IMMP2L: variants seen among roughly 807,000 people sequenced by gnomAD.
The protein encoded by IMMP2L is mitochondrial inner membrane protease subunit 2.
IMMP2L carries 18 observed loss-of-function variants against 19.3 expected under a neutral mutation model. The ratio of observed to expected loss-of-function variants is 0.93; its 90% confidence interval spans 0.64 to 1.38. The LOEUF (loss-of-function observed/expected upper bound fraction) is 1.38. Among genes scored for constraint, IMMP2L ranks in the 40% most tolerant of loss-of-function variants. The pLI is 0.00. For synonymous variants in IMMP2L, 76 were observed against 73.0 expected (o/e 1.04, Z -0.21); for missense variants, 233 against 218.2 (o/e 1.07, Z -0.43).
intron 5 of IMMP2L, among the ~76,000 whole-genome samples, chr7:110,798,173 G>GA (rs1010269166): frequency 3.2e-4 from 49 of 151,054 alleles, no homozygotes; most frequent in South Asian, 4.2e-4. Flanking sequence ...ACAATTACAG[G>GA]AAAAAAAAGA....
chr7:111,481,538 A>ACT (rs1289920900), intron 3 of IMMP2L, among the ~76,000 whole-genome samples: 2 of 152,120 alleles, frequency 1.3e-5, no homozygotes, highest in African/African-American at 4.8e-5. Flanking sequence ...TGAAGTTAGA[A>ACT]CTCCTAACCC....
intron 3 of IMMP2L, among the ~76,000 whole-genome samples, chr7:110,986,549 C>T (rs1242456113): frequency 6.6e-6 from 1 of 152,162 alleles, no homozygotes; most frequent in African/African-American, 2.4e-5. Flanking sequence ...CTTCCCAGGT[C>T]TCTTACGAAT....
chr7:110,980,114 A>C (rs542977224), intron 3 of IMMP2L, among the ~76,000 whole-genome samples: 3 of 138,618 alleles, frequency 2.2e-5, no homozygotes, highest in African/African-American at 7.6e-5. Flanking sequence ...TTATGGTTCT[A>C]TACCTCTAGC....
chr7:111,084,600 G>C (rs894103669), intron 3 of IMMP2L, among the ~76,000 whole-genome samples: 1 of 152,114 alleles, frequency 6.6e-6, no homozygotes, highest in African/African-American at 2.4e-5. Context: ...AGAACAGTAG[G>C]CAAAAGAACA....
At chr7:111,461,051 G>T (rs1178591990) in intron 3 of IMMP2L, among the ~76,000 whole-genome samples, 2 of 151,882 alleles carry the variant, frequency 1.3e-5, no homozygotes, top group East Asian at 3.9e-4. Context: ...TTCACTTTAG[G>T]TATGGTATTC....
At chr7:110,973,989 GC>G (rs1820431643) in intron 3 of IMMP2L, among the ~76,000 whole-genome samples, 1 of 152,120 alleles carries the variant, frequency 6.6e-6, no homozygotes, top group Non-Finnish European at 1.5e-5. Flanking sequence ...GGTCCTGATA[GC>G]TATGTGGTTC....
intron 3 of IMMP2L, among the ~76,000 whole-genome samples, chr7:111,281,216 A>AAAGAAAG (rs1819809403): frequency 1.0e-4 from 4 of 38,762 alleles, no homozygotes; most frequent in African/African-American, 2.9e-4. Flanking sequence ...GAAAGAAAGA[A>AAAGAAAG]AAAGAAAGAA....
intron 5 of IMMP2L, among the ~76,000 whole-genome samples, chr7:110,819,680 C>A (rs969474007): frequency 6.6e-6 from 1 of 151,986 alleles, no homozygotes; most frequent in African/African-American, 2.4e-5. Context: ...TTTTACTAAG[C>A]AAAATGTCCC....
chr7:110,898,702 G>A (rs1811566679), intron 4 of IMMP2L, among the ~76,000 whole-genome samples: 1 of 151,054 alleles, frequency 6.6e-6, no homozygotes, highest in Non-Finnish European at 1.5e-5. Flanking sequence ...AAGAGTTGGG[G>A]CACATACTGA....
chr7:110,932,628 A>G (rs1392718742), intron 4 of IMMP2L, among the ~76,000 whole-genome samples: 2 of 152,194 alleles, frequency 1.3e-5, no homozygotes, highest in African/African-American at 2.4e-5. Context: ...TGCTGGGATT[A>G]TAGGCGTGAG....
At chr7:111,544,764 C>A (rs1848770844) in intron 1 of IMMP2L, among the ~76,000 whole-genome samples, 1 of 148,364 alleles carries the variant, frequency 6.7e-6, no homozygotes, top group African/African-American at 2.5e-5. Flanking sequence ...TTACATTCAA[C>A]ATGTATAAAA....
chr7:111,427,257 T>C (rs189501085), intron 3 of IMMP2L, among the ~76,000 whole-genome samples: 2 of 151,830 alleles, frequency 1.3e-5, no homozygotes. Flanking sequence ...AGACTCAAGA[T>C]ACTTTGTAAT....
chr7:111,435,195 G>A (rs1044579874), intron 3 of IMMP2L, among the ~76,000 whole-genome samples: 1 of 151,730 alleles, frequency 6.6e-6, no homozygotes, highest in Non-Finnish European at 1.5e-5. Flanking sequence ...TCTATCCAAA[G>A]GGAAGAAATC....
chr7:111,063,450 C>T (rs1230902960), intron 3 of IMMP2L, among the ~76,000 whole-genome samples: 1 of 152,160 alleles, frequency 6.6e-6, no homozygotes, highest in Non-Finnish European at 1.5e-5. Flanking sequence ...GCCCTGAAGA[C>T]ATTTTCCCTA....
In IMMP2L at chr7:111,290,857, C is replaced by CACACAT. The variant is rs1472194887; in HGVS notation, c.239+196380_239+196381insATGTGT. ...ACACACACACACACACACACACACA[C>CACACAT]ATATATATATATCTAATTTTCTATC... On this transcript the variant is annotated intron_variant, in intron 3 of 5. Transcript: ENST00000405709. Among the ~76,000 whole-genome samples the CACACAT allele has an allele frequency of 7.5e-3, 1,119 of 148,630 alleles. 15 individuals are homozygous for CACACAT. The highest frequency in any genetic ancestry group is 0.027 in the African/African-American group (1,064 of 40,098).
At chr7:111,445,653 A>G (rs1838281711) in intron 3 of IMMP2L, among the ~76,000 whole-genome samples, 1 of 152,150 alleles carries the variant, frequency 6.6e-6, no homozygotes, top group Non-Finnish European at 1.5e-5. Flanking sequence ...GAGTGCTAAA[A>G]GGGCGGAGAT....
At chr7:111,334,679 C>A (rs2130711514) in intron 3 of IMMP2L, among the ~76,000 whole-genome samples, 1 of 152,192 alleles carries the variant, frequency 6.6e-6, no homozygotes, top group South Asian at 2.1e-4. Flanking sequence ...AGGTTCTCAT[C>A]CTTTTTTCAA....
chr7:111,524,254 T>C (rs562324835), intron 1 of IMMP2L, among the ~76,000 whole-genome samples: 1 of 152,008 alleles, frequency 6.6e-6, no homozygotes, highest in South Asian at 2.1e-4. Flanking sequence ...TTCCAAAATA[T>C]ATATAAATAA....
At chr7:111,048,233 T>C (rs1410245643) in intron 3 of IMMP2L, among the ~76,000 whole-genome samples, 1 of 70,504 alleles carries the variant, frequency 1.4e-5, no homozygotes, top group African/African-American at 6.4e-5. Context: ...AGCGAGACTC[T>C]GTCTCAAAAA....
Sources: gnomAD v4.1 joint callset for allele counts (sites outside exome capture counted in the v4.1 genomes callset) on GRCh38, gnomAD v4.1.1 for gene constraint, MANE v1.5 for transcripts, NCBI Gene and HGNC (gene_info 2026-07-23, HGNC 2026-07-21) for gene names.